The following GRTP1 variants were observed in gnomAD, a reference collection of about 807,000 sequenced individuals.
The protein encoded by GRTP1 is growth hormone regulated TBC protein 1, also known as growth hormone-regulated TBC protein 1.
A neutral mutation model predicts 38.1 loss-of-function variants in GRTP1; 56 were observed. The observed-to-expected ratio is 1.47, with a 90% confidence interval of 1.19 to 1.84. The LOEUF (loss-of-function observed/expected upper bound fraction) is 1.84, where lower values mean the gene tolerates loss of function less well. Among genes scored for constraint, GRTP1 ranks in the 40% most tolerant of loss-of-function variants. GRTP1 has a pLI of 0.00. For synonymous variants in GRTP1, 217 were observed against 189.5 expected, an observed-to-expected ratio of 1.14 and a Z score of -1.19; for missense variants, 506 against 453.9, an observed-to-expected ratio of 1.11 and a Z score of -1.04.
At position 113,363,787 on chromosome 13, in the gene GRTP1, G is replaced by T. The variant is rs779390423; in HGVS notation, c.156C>A (p.Gly52=). The T allele has an allele frequency of 1.2e-6, 2 of 1,609,960 alleles. No individual in the cohort carries two copies. The highest frequency in any genetic ancestry group is 2.2e-5 in the South Asian group (2 of 90,790). The change falls in exon 2 of 8, where the codon GGC becomes GGA. Residue 52 remains glycine, a synonymous_variant. Coordinates refer to ENST00000375431, the MANE Select transcript of GRTP1 (RefSeq NM_024719.4). ...RAIKWSRLLQ[G]GGVPRSRTVK... ...CTGTCCGGCTCCTGGGGACGCCCCC[G>T]CCCTGCAGCAGCCGGGACCATTTGA...
At chr13:113,340,406 G>A (rs758488213) in intron 5 of GRTP1, among the ~76,000 whole-genome samples, 5 of 151,370 alleles carry the variant, frequency 3.3e-5, no homozygotes, top group Non-Finnish European at 7.4e-5. Context: ...TTGAGCTAAG[G>A]AGGTCGAGGC....
Position 113,350,882 on chromosome 13 carries a change from A to T in GRTP1, c.432T>A (p.Tyr144Ter), listed in dbSNP as rs370119172. 2 of 1,593,308 alleles carry T rather than the reference A, an allele frequency of 1.3e-6. No homozygotes were observed. Among genetic ancestry groups the T allele is most frequent in the African/African-American group, 1.3e-5 (1 of 74,538 alleles). ...QRTLYNVLLA[Y>*]GHHNQGVGYC... ...AGCCCACTCCCTGGTTATGGTGCCC[A>T]TATGCCAGCAGCACATTGTACAGGG... The change falls in exon 4 of 8, where the codon TAT becomes TAA. Residue 144 changes from tyrosine to a stop codon, truncating the protein, a stop_gained. Transcript: ENST00000375431. LOFTEE classifies it high-confidence loss of function.
In GRTP1 at chr13:113,348,954, G is replaced by A. The variant is rs751487503; in HGVS notation, c.465+1895C>T. Reference sequence around the variant, plus strand: ...AGCAAGCTAACAGGTGCACATCTCCGCACACACATGTACGTATGTGCCTGT... The same window carrying A: ...AGCAAGCTAACAGGTGCACATCTCCACACACACATGTACGTATGTGCCTGT... On this transcript the variant is annotated intron_variant, in intron 4 of 7. Coordinates refer to ENST00000375431, the MANE Select transcript of GRTP1 (RefSeq NM_024719.4). The surrounding 1 kb of genome is among the most constrained non-coding windows in gnomAD (Gnocchi z 4.8). 2.7e-4 allele frequency among the ~76,000 whole-genome samples: 41 copies of A among 152,282 alleles called. No individual in the cohort carries two copies. The highest frequency in any genetic ancestry group is 4.7e-4 in the Non-Finnish European group (32 of 68,018).
chr13:113,341,078 A>T (rs2043019932), intron 5 of GRTP1, among the ~76,000 whole-genome samples: 1 of 146,186 alleles, frequency 6.8e-6, no homozygotes. Context: ...TAAGAGTCTC[A>T]CTCTGTCGCC....
chr13:113,331,648 CT>C (rs59328510), intron 5 of GRTP1, among the ~76,000 whole-genome samples: 12,218 of 92,858 alleles, frequency 0.13, 595 homozygotes, highest in Middle Eastern at 0.17. Flanking sequence ...GTTTGGTTTA[CT>C]TTTTTTTTTT....
chr13:113,332,613 T>G (rs1279319305), intron 5 of GRTP1, among the ~76,000 whole-genome samples: 4 of 152,202 alleles, frequency 2.6e-5, no homozygotes, highest in African/African-American at 9.6e-5. Context: ...CCGACGGTCT[T>G]CAAGCACTCC....
At chr13:113,347,399 G>T (rs1471580596) in intron 4 of GRTP1, among the ~76,000 whole-genome samples, 12 of 94,898 alleles carry the variant, frequency 1.3e-4, no homozygotes, top group Non-Finnish European at 2.4e-4. Flanking sequence ...GACCCGGGAG[G>T]ACCTCTGTGG....
At chr13:113,329,643 C>T (rs1427394923) in intron 5 of GRTP1, among the ~76,000 whole-genome samples, 2 of 152,194 alleles carry the variant, frequency 1.3e-5, no homozygotes, top group South Asian at 2.1e-4. Flanking sequence ...ATTCCCACCA[C>T]GTGATGTCAA....
intron 5 of GRTP1, among the ~76,000 whole-genome samples, chr13:113,340,285 G>C (rs555834365): frequency 6.6e-6 from 1 of 151,978 alleles, no homozygotes; most frequent in South Asian, 2.1e-4. Flanking sequence ...AGGCCAGCCT[G>C]GGCAACATAG....
intron 4 of GRTP1, among the ~76,000 whole-genome samples, chr13:113,347,150 A>G (rs1168397458): frequency 1.2e-4 from 3 of 24,930 alleles, no homozygotes; most frequent in South Asian, 1.7e-3. Context: ...GGCAGAGAGC[A>G]GACCCGGGAG....
At chr13:113,331,237 C>A (rs2042866612) in intron 5 of GRTP1, among the ~76,000 whole-genome samples, 1 of 152,226 alleles carries the variant, frequency 6.6e-6, no homozygotes, top group African/African-American at 2.4e-5. Flanking sequence ...GAGGAATCCA[C>A]CTCTTCCCAA....
chr13:113,334,376 T>C (rs2042926185), intron 5 of GRTP1, among the ~76,000 whole-genome samples: 1 of 141,790 alleles, frequency 7.1e-6, no homozygotes, highest in Admixed American at 7.9e-5. Context: ...TTAAGTCAGC[T>C]GCAAAGATAA....
Position 113,329,789 on chromosome 13 carries a change from G to T in GRTP1, c.563-3698C>A, listed in dbSNP as rs35975238. Among the ~76,000 whole-genome samples, 866 of 152,334 alleles carry T rather than the reference G, an allele frequency of 5.7e-3. 6 individuals carry two copies. The highest frequency in any genetic ancestry group is 0.014 in the Middle Eastern group (4 of 294). ...GTGGGGCTCACCCCCACTGATAGGG[G>T]TAGTGGGCGGTTCCGATCTTTATCT... is the stretch of plus-strand genomic sequence containing the variant. On this transcript the variant is annotated intron_variant, in intron 5 of 7. Coordinates refer to ENST00000375431, the MANE Select transcript of GRTP1 (RefSeq NM_024719.4).
rs1352339368 is a variant in GRTP1, at chr13:113,348,258, C to T, written c.465+2591G>A. 6.6e-6 allele frequency among the ~76,000 whole-genome samples: 1 copy of T among 152,084 alleles called. No homozygotes were observed. The highest frequency in any genetic ancestry group is 2.1e-4 in the South Asian group (1 of 4,820). Reference sequence around the variant, plus strand: ...CCTGAGCTCAGGAGTTCAAGACCAGCCTGGGCAATGTGGCAAAACCCCGAT... The same window carrying T: ...CCTGAGCTCAGGAGTTCAAGACCAGTCTGGGCAATGTGGCAAAACCCCGAT... On this transcript the variant is annotated intron_variant, in intron 4 of 7. Transcript: ENST00000375431. The surrounding 1 kb of genome is among the most constrained non-coding windows in gnomAD (Gnocchi z 4.8).
chr13:113,337,263 C>CTGTA (rs2042967088), intron 5 of GRTP1, among the ~76,000 whole-genome samples: 4 of 152,204 alleles, frequency 2.6e-5, no homozygotes, highest in Admixed American at 2.0e-4. Context: ...CCACTGTACT[C>CTGTA]CAGCCTGGCA....
intron 5 of GRTP1, among the ~76,000 whole-genome samples, chr13:113,340,765 G>C (rs567704288): frequency 1.3e-5 from 2 of 152,046 alleles, no homozygotes; most frequent in East Asian, 3.9e-4. Context: ...GGGCGACAGA[G>C]TGAGACTCTG....
At chr13:113,337,990 C>T (rs7996087) in intron 5 of GRTP1, among the ~76,000 whole-genome samples, 146,587 of 152,302 alleles carry the variant, frequency 0.96, 70,804 homozygotes, top group East Asian at 1. Flanking sequence ...ACCTGACCTG[C>T]TTCCCTATTT....
chr13:113,363,398 G>A (rs1245562654), intron 2 of GRTP1, among the ~76,000 whole-genome samples: 2 of 152,082 alleles, frequency 1.3e-5, no homozygotes, highest in Non-Finnish European at 2.9e-5. Flanking sequence ...GTAGAGACGG[G>A]GTTTCACCAT....
intron 7 of GRTP1, chr13:113,324,941 C>G: frequency 1.7e-6 from 1 of 572,128 alleles, no homozygotes; most frequent in Middle Eastern, 8.1e-4. Flanking sequence ...ATTCTCGTGC[C>G]TCAGCCTCCC....
Sources: allele counts gnomAD v4.1 joint callset (sites outside exome capture counted in the v4.1 genomes callset), GRCh38; gene constraint gnomAD v4.1.1; non-coding constraint Gnocchi (gnomAD v3.1); transcripts MANE v1.5; gene names NCBI Gene and HGNC (gene_info 2026-07-23, HGNC 2026-07-21).